TRIM71: variants seen among roughly 807,000 people sequenced by gnomAD.
The protein encoded by TRIM71 is tripartite motif containing 71.
Under a neutral mutation model 61.2 loss-of-function variants are expected in TRIM71, and 9 were observed. The ratio of observed to expected loss-of-function variants is 0.15; its 90% CI spans 0.09 to 0.26. TRIM71 has a LOEUF of 0.26. TRIM71 is among the 10% of genes least tolerant of loss of function. The pLI is 1.00. For synonymous variants in TRIM71, 645 were observed against 553.2 expected (o/e 1.17, Z -2.33); for missense variants, 998 against 1,238.7 (o/e 0.81, Z 2.92).
intron 1 of TRIM71, among the ~76,000 whole-genome samples, chr3:32,862,691 T>C (rs1696684534): frequency 6.6e-6 from 1 of 152,236 alleles, no homozygotes; most frequent in South Asian, 2.1e-4. Flanking sequence ...TAAAAATATA[T>C]AATTTACATG....
At chr3:32,828,907 T>A (rs1179227172) in intron 1 of TRIM71, among the ~76,000 whole-genome samples, 5 of 152,172 alleles carry the variant, frequency 3.3e-5, no homozygotes. Context: ...CTTGAACTCT[T>A]GGCCTCAAGT....
In TRIM71 at chr3:32,818,847, T is replaced by G. The variant is rs1428076669; in HGVS notation, c.767T>G (p.Leu256Arg). The G allele has an allele frequency of 1.2e-6, 2 of 1,612,122 alleles. No individual in the cohort carries two copies. The highest frequency in any genetic ancestry group is 1.7e-5 in the Admixed American group (1 of 59,934). ...GCAGCAGCGGCGCAGCAGCTCGGGC[T>G]CGGGCCGCCCTTTCCCGGCCCGCCC... ...GAAAAAQQLG[L>R]GPPFPGPPFS... The change falls in exon 1 of 4, where the codon CTC becomes CGC. Residue 256 changes from leucine (L) to arginine (R), a missense_variant. Physicochemically the swap from Leu to Arg is moderately radical, Grantham distance 102 (BLOSUM62 -2). This residue lies in a region of TRIM71 where 527 missense variants were observed against 427.8 expected (regional missense o/e 1.23). Transcript: ENST00000383763.
At chr3:32,849,025 A>G (rs995662679) in intron 1 of TRIM71, among the ~76,000 whole-genome samples, 7 of 152,154 alleles carry the variant, frequency 4.6e-5, no homozygotes, top group African/African-American at 1.7e-4. Context: ...TATTTTAGGA[A>G]ATGGGAAAAC....
At chr3:32,874,079 G>A in intron 2 of TRIM71, 94 bp downstream of exon 2, 1 of 1,369,166 alleles carries the variant, frequency 7.3e-7, no homozygotes, top group Non-Finnish European at 9.9e-7. Flanking sequence ...ATTCCAGTGT[G>A]GGGGGTGGAA....
At chr3:32,833,100 G>A (rs374620244) in intron 1 of TRIM71, among the ~76,000 whole-genome samples, 2 of 149,636 alleles carry the variant, frequency 1.3e-5, no homozygotes, top group African/African-American at 4.9e-5. Context: ...ACTGGAACCC[G>A]GGAGGTGGAG....
intron 1 of TRIM71, among the ~76,000 whole-genome samples, chr3:32,872,245 C>T (rs774770029): frequency 3.3e-5 from 5 of 152,152 alleles, no homozygotes; most frequent in African/African-American, 4.8e-5. Context: ...CTAAATCTTT[C>T]GTTTTTCCTG....
At chr3:32,825,481 C>A (rs897457852) in intron 1 of TRIM71, among the ~76,000 whole-genome samples, 3 of 152,158 alleles carry the variant, frequency 2.0e-5, no homozygotes, top group African/African-American at 7.2e-5. Context: ...CTACACAGGG[C>A]AAGGTTTATT....
intron 1 of TRIM71, among the ~76,000 whole-genome samples, chr3:32,859,538 G>A (rs980816971): frequency 6.6e-5 from 10 of 152,290 alleles, no homozygotes; most frequent in Non-Finnish European, 1.2e-4. Flanking sequence ...GATTACAGGC[G>A]TGAGCCACTG....
At chr3:32,868,291 CG>C in intron 1 of TRIM71, among the ~76,000 whole-genome samples, 1 of 152,230 alleles carries the variant, frequency 6.6e-6, no homozygotes, top group East Asian at 1.9e-4. Context: ...AAAAAGAATT[CG>C]GGAATTCTTA....
Position 32,894,639 on chromosome 3 carries a change from G to A in TRIM71, c.*2828G>A, listed in dbSNP as rs1697060654. 6.6e-6 allele frequency: 1 copy of A among 152,208 alleles called. No individual in the cohort carries two copies. Among genetic ancestry groups the A allele is most frequent in the Non-Finnish European group, 1.5e-5 (1 of 68,052 alleles). The allele number at this position is 152,208 out of a possible 1,614,324, so 9.4% of individuals were successfully genotyped here. ...AAGCTTTTGTTTTTAAAACATTGGCGGTTTTTCCTGCCCGTGGTTGACTCC... is the reference window on the plus strand; with the variant it reads ...AAGCTTTTGTTTTTAAAACATTGGCAGTTTTTCCTGCCCGTGGTTGACTCC... On this transcript the variant is annotated 3_prime_UTR_variant, in exon 4 of 4. Transcript: ENST00000383763.
In TRIM71 at chr3:32,891,250, C is replaced by A; in HGVS notation, c.2046C>A (p.Phe682Leu). The change falls in exon 4 of 4, where the codon TTC (phenylalanine) becomes TTA (leucine). Residue 682 changes from phenylalanine to leucine, a missense_variant. Transcript: ENST00000383763. This position sits in a 1 kb window ranked among gnomAD's most constrained non-coding sequence, Gnocchi z 8.2. ...KDNHRIQIFT[F>L]EGQFLLKFGE... is the part of the protein sequence containing the mutation. ...ATCATCGCATCCAGATCTTCACGTT[C>A]GAGGGCCAGTTCCTCCTCAAGTTTG... 6.2e-7 allele frequency: 1 copy of A among 1,613,324 alleles called. No individual in the cohort carries two copies. Among genetic ancestry groups the A allele is most frequent in the Non-Finnish European group, 8.5e-7 (1 of 1,179,514 alleles).
In TRIM71 at chr3:32,868,597, T is replaced by C. The variant is rs542329090; in HGVS notation, c.853-5221T>C. ...AAGTTAATATAGTTAAGAGAAACTT[T>C]GTTTTGTCTTAAAAAACTAAGTTAC... is the stretch of plus-strand genomic sequence containing the variant. On this transcript the variant is annotated intron_variant, in intron 1 of 3. Transcript: ENST00000383763. 5.9e-5 allele frequency among the ~76,000 whole-genome samples: 9 copies of C among 152,170 alleles called. No individual in the cohort carries two copies. The East Asian group carries it at 1.7e-3, about 29-fold the overall frequency.
chr3:32,834,670 C>T (rs554978100), intron 1 of TRIM71, among the ~76,000 whole-genome samples: 40 of 152,194 alleles, frequency 2.6e-4, no homozygotes, highest in African/African-American at 8.7e-4. Context: ...GGTGAAACCC[C>T]GTCTCTACTA....
intron 1 of TRIM71, among the ~76,000 whole-genome samples, chr3:32,833,162 G>C: frequency 1.1e-5 from 1 of 92,622 alleles, no homozygotes; most frequent in African/African-American, 3.8e-5. Flanking sequence ...CAGCCTCGGT[G>C]ACAAGAATGA....
intron 1 of TRIM71, among the ~76,000 whole-genome samples, chr3:32,828,931 C>T (rs1396534198): frequency 6.6e-6 from 1 of 152,110 alleles, no homozygotes; most frequent in Non-Finnish European, 1.5e-5. Context: ...AGCAATCCTC[C>T]TATGTCAGTC....
chr3:32,881,451 T>C (rs912465617), intron 2 of TRIM71, among the ~76,000 whole-genome samples: 6 of 152,206 alleles, frequency 3.9e-5, no homozygotes, highest in Non-Finnish European at 8.8e-5. Context: ...TCTCCACAGT[T>C]GGCATCACTG....
At chr3:32,826,138 G>T (rs1696198374) in intron 1 of TRIM71, among the ~76,000 whole-genome samples, 1 of 152,196 alleles carries the variant, frequency 6.6e-6, no homozygotes, top group African/African-American at 2.4e-5. Flanking sequence ...GTGGTAGAAT[G>T]AAATGAAATG....
At chr3:32,838,199 G>A (rs1325916230) in intron 1 of TRIM71, among the ~76,000 whole-genome samples, 1 of 152,044 alleles carries the variant, frequency 6.6e-6, no homozygotes, top group African/African-American at 2.4e-5. Context: ...AAATTATTTT[G>A]GATTAGGTAC....
intron 2 of TRIM71, among the ~76,000 whole-genome samples, chr3:32,879,913 A>C (rs1035199972): frequency 2.0e-5 from 3 of 151,806 alleles, no homozygotes; most frequent in African/African-American, 7.3e-5. Context: ...GTGAGCCAAG[A>C]TTACACCACT....
Sources: allele counts gnomAD v4.1 joint callset (sites outside exome capture counted in the v4.1 genomes callset), GRCh38; gene constraint gnomAD v4.1.1; regional missense constraint gnomAD v4.1.1; non-coding constraint Gnocchi (gnomAD v3.1); transcripts MANE v1.5; gene names NCBI Gene and HGNC (gene_info 2026-07-23, HGNC 2026-07-21).